ST8SIA6: variants seen among roughly 807,000 people sequenced by gnomAD.
The protein encoded by ST8SIA6 is alpha-2,8-sialyltransferase 8F.
In ST8SIA6, 39 loss-of-function variants were observed where a neutral mutation model predicts 33.6. The ratio of observed to expected loss-of-function variants is 1.16; its 90% CI spans 0.90 to 1.52. The LOEUF (loss-of-function observed/expected upper bound fraction) is 1.52. Ranked by LOEUF, ST8SIA6 falls within the 40% of genes most tolerant of loss-of-function variation. The probability of loss-of-function intolerance (pLI) is 0.00; values close to 1 mark genes in which losing one functional copy is unlikely to be tolerated. For synonymous variants in ST8SIA6, 172 were observed against 167.2 expected, an observed-to-expected ratio of 1.03 and a Z score of -0.22; for missense variants, 441 against 443.8, an observed-to-expected ratio of 0.99 and a Z score of 0.06.
At chr10:17,411,157 A>G (rs1001951859) in intron 2 of ST8SIA6, among the ~76,000 whole-genome samples, 1 of 150,250 alleles carries the variant, frequency 6.7e-6, no homozygotes, top group Non-Finnish European at 1.5e-5. Flanking sequence ...ACCCTACCCA[A>G]CAGACTTGAA....
intron 2 of ST8SIA6, among the ~76,000 whole-genome samples, chr10:17,400,551 C>T (rs1385438726): frequency 1.3e-5 from 2 of 152,102 alleles, no homozygotes; most frequent in Non-Finnish European, 2.9e-5. Flanking sequence ...CCTGGCAAAC[C>T]AAATCCAGCA....
At chr10:17,337,040 G>C (rs1240842292) in intron 4 of ST8SIA6, among the ~76,000 whole-genome samples, 3 of 152,164 alleles carry the variant, frequency 2.0e-5, no homozygotes, top group Non-Finnish European at 4.4e-5. Flanking sequence ...GAGGGGCCCG[G>C]TGGGAGGTGA....
intron 7 of ST8SIA6, among the ~76,000 whole-genome samples, chr10:17,322,150 G>T (rs11254524): frequency 2.0e-5 from 3 of 149,296 alleles, no homozygotes; most frequent in African/African-American, 7.4e-5. Flanking sequence ...GGGAGAAAGA[G>T]GGAAGAAAGA....
intron 2 of ST8SIA6, among the ~76,000 whole-genome samples, chr10:17,422,533 C>T (rs45453197): frequency 4.7e-4 from 71 of 152,312 alleles, no homozygotes; most frequent in Non-Finnish European, 7.6e-4. Flanking sequence ...GGCAAATAGA[C>T]CTTAATAATT....
At chr10:17,408,736 G>T (rs916627077) in intron 2 of ST8SIA6, among the ~76,000 whole-genome samples, 1 of 151,882 alleles carries the variant, frequency 6.6e-6, no homozygotes, top group African/African-American at 2.4e-5. Flanking sequence ...TTTGAGAGAA[G>T]AATTTTATTT....
Position 17,331,538 on chromosome 10 carries a change from G to A in ST8SIA6, c.392C>T (p.Ser131Phe). ...AAAGTTTTGAACAGCATCACAGCAG[G>A]AAGCAAGTTTGGCTCTGCAAAGGAA... ...EYANFRAKLA[S>F]CCDAVQNFVV... The change falls in exon 5 of 8, where the codon TCC becomes TTC. Residue 131 changes from serine to phenylalanine, a missense_variant. Transcript: ENST00000377602. 1 of 1,607,656 alleles carries A rather than the reference G, an allele frequency of 6.2e-7. No individual in the cohort carries two copies. The highest frequency in any genetic ancestry group is 1.3e-5 in the African/African-American group (1 of 74,618).
intron 2 of ST8SIA6, among the ~76,000 whole-genome samples, chr10:17,397,053 C>G (rs894831585): frequency 6.6e-6 from 1 of 152,056 alleles, no homozygotes; most frequent in African/African-American, 2.4e-5. Context: ...TCTTCTTTTT[C>G]TGATGTGAAT....
intron 3 of ST8SIA6, among the ~76,000 whole-genome samples, chr10:17,378,089 A>T (rs1849979127): frequency 6.6e-6 from 1 of 152,238 alleles, no homozygotes; most frequent in Non-Finnish European, 1.5e-5. Context: ...ATGGAAAGGC[A>T]TCCCCTTAAA....
At chr10:17,439,306 G>T (rs1389743408) in intron 2 of ST8SIA6, among the ~76,000 whole-genome samples, 2 of 143,364 alleles carry the variant, frequency 1.4e-5, no homozygotes, top group African/African-American at 5.3e-5. Flanking sequence ...TGGGGATGGA[G>T]CCTCTCTCTG....
chr10:17,448,607 GTTC>G (rs113388607), intron 2 of ST8SIA6, among the ~76,000 whole-genome samples: 22,321 of 150,680 alleles, frequency 0.15, 1,788 homozygotes, highest in South Asian at 0.23. Flanking sequence ...TGTTGTTGTT[GTTC>G]TTGTTGTTGT....
At chr10:17,394,551 A>T (rs1273478818) in intron 2 of ST8SIA6, among the ~76,000 whole-genome samples, 1 of 152,128 alleles carries the variant, frequency 6.6e-6, no homozygotes, top group African/African-American at 2.4e-5. Flanking sequence ...GTAAGAAGTC[A>T]CCCAGTAATG....
At position 17,321,224 on chromosome 10, in the gene ST8SIA6, T is replaced by C. The variant is rs749328787; in HGVS notation, c.851A>G (p.Tyr284Cys). 1 of 1,614,024 alleles carries C rather than the reference T, an allele frequency of 6.2e-7. No individual in the cohort carries two copies. Among genetic ancestry groups the C allele is most frequent in the Non-Finnish European group, 8.5e-7 (1 of 1,179,978 alleles). The part of the protein sequence containing the change: ...RANTGTSFKV[Y>C]YTLEESKARQ... ...TGCTTTAGACTCTTCGAGCGTGTAG[T>C]ATACTTTGAAAGAGGTACCCGTGTT... is the stretch of plus-strand genomic sequence containing the variant. The change falls in exon 8 of 8, where the codon TAC becomes TGC. Residue 284 changes from tyrosine to cysteine, a missense_variant. Physicochemically the swap from Tyr to Cys is radical, Grantham distance 194 (BLOSUM62 -2). Transcript: ENST00000377602.
At chr10:17,435,757 G>T (rs1852235924) in intron 2 of ST8SIA6, among the ~76,000 whole-genome samples, 1 of 152,018 alleles carries the variant, frequency 6.6e-6, no homozygotes, top group Non-Finnish European at 1.5e-5. Context: ...AATATTAATG[G>T]AGAATTTTGC....
intron 6 of ST8SIA6, among the ~76,000 whole-genome samples, chr10:17,323,397 T>C (rs1389648234): frequency 6.7e-6 from 1 of 148,242 alleles, no homozygotes; most frequent in South Asian, 2.2e-4. Context: ...TACACCTTTT[T>C]TTTTTTTTTT....
At chr10:17,351,058 T>C (rs1849014361) in intron 4 of ST8SIA6, among the ~76,000 whole-genome samples, 1 of 152,114 alleles carries the variant, frequency 6.6e-6, no homozygotes, top group Non-Finnish European at 1.5e-5. Flanking sequence ...TTCATCATCT[T>C]GCCACTTTTC....
chr10:17,321,461 T>C (rs1847947211), intron 7 of ST8SIA6, 115 bp from the exon 8 acceptor site: 1 of 799,722 alleles, frequency 1.3e-6, no homozygotes, highest in Non-Finnish European at 1.9e-6. Context: ...TTGTATACTG[T>C]ATATAAAACA....
intron 2 of ST8SIA6, among the ~76,000 whole-genome samples, chr10:17,427,970 A>G (rs1011641765): frequency 1.5e-4 from 23 of 152,246 alleles, no homozygotes; most frequent in African/African-American, 4.6e-4. Flanking sequence ...TGAGTAGGCA[A>G]GAAGTACACA....
At chr10:17,335,572 T>C (rs769743753) in intron 4 of ST8SIA6, among the ~76,000 whole-genome samples, 28 of 152,324 alleles carry the variant, frequency 1.8e-4, no homozygotes, top group Middle Eastern at 6.8e-3. Context: ...TCCTTCTTAA[T>C]TGGATTCTGT....
intron 2 of ST8SIA6, among the ~76,000 whole-genome samples, chr10:17,402,672 G>A (rs1362553279): frequency 6.6e-6 from 1 of 151,520 alleles, no homozygotes; most frequent in Non-Finnish European, 1.5e-5. Context: ...ACTATCGCAA[G>A]AACAAAAAAC....
Sources: allele counts gnomAD v4.1 joint callset (sites outside exome capture counted in the v4.1 genomes callset), GRCh38; gene constraint gnomAD v4.1.1; transcripts MANE v1.5; gene names NCBI Gene and HGNC (gene_info 2026-07-23, HGNC 2026-07-21).